The following STK24 variants were observed in gnomAD, a reference collection of about 807,000 sequenced individuals.
The protein encoded by STK24 is serine/threonine-protein kinase 24.
In STK24, 21 loss-of-function variants were observed where a neutral mutation model predicts 55.6. The observed-to-expected ratio is 0.38, with a 90% CI of 0.27 to 0.54. The LOEUF is 0.54. Ranked by LOEUF, STK24 falls within the 20% of genes least tolerant of loss-of-function variation. The pLI, the probability that STK24 is intolerant of heterozygous loss-of-function variation, is 0.79. For missense variants in STK24, 383 were observed against 538.4 expected, an observed-to-expected ratio of 0.71 and a Z score of 2.86; for synonymous variants, 200 against 215.2, an observed-to-expected ratio of 0.93 and a Z score of 0.62.
At chr13:98,461,054 A>AAGAGAG (rs71292876) in intron 8 of STK24, among the ~76,000 whole-genome samples, 16 of 143,750 alleles carry the variant, frequency 1.1e-4, no homozygotes, top group South Asian at 6.7e-4. Flanking sequence ...AAAAAAAAAA[A>AAGAGAG]AGAGAGAGAG....
At chr13:98,487,313 C>T (rs1435507734) in intron 2 of STK24, among the ~76,000 whole-genome samples, 4 of 152,108 alleles carry the variant, frequency 2.6e-5, no homozygotes, top group Admixed American at 2.6e-4. Context: ...TGACTTTAAT[C>T]GAAATAATTT....
chr13:98,537,230 C>G (rs1489578178), intron 1 of STK24, among the ~76,000 whole-genome samples: 1 of 152,230 alleles, frequency 6.6e-6, no homozygotes, highest in Non-Finnish European at 1.5e-5. Flanking sequence ...TCCCATCAGG[C>G]AGTCCTCCTG....
chr13:98,522,550 AC>A (rs1896301354), intron 1 of STK24, among the ~76,000 whole-genome samples: 1 of 152,048 alleles, frequency 6.6e-6, no homozygotes, highest in South Asian at 2.1e-4. Context: ...CTGAACAGGA[AC>A]CCCCCAGACC....
intron 1 of STK24, among the ~76,000 whole-genome samples, chr13:98,563,059 A>G (rs1356003576): frequency 6.6e-6 from 1 of 152,144 alleles, no homozygotes; most frequent in African/African-American, 2.4e-5. Flanking sequence ...CCAAGAAACG[A>G]TTTGCTCCAC....
chr13:98,519,426 A>G lies in STK24; in HGVS notation c.90T>C (p.Ile30=). The G allele has an allele frequency of 4.3e-6, 7 of 1,614,158 alleles. No individual in the cohort carries two copies. The highest frequency in any genetic ancestry group is 5.9e-6 in the Non-Finnish European group (7 of 1,180,044). ...PEELFTKLEK[I]GKGSFGEVFK... is the part of the protein sequence containing the mutation. ...ACACCTCTCCAAAGGAGCCCTTCCC[A>G]ATTTTCTCTAGTTTTGTAAAAAGCT... The change falls in exon 2 of 11, where the codon ATT becomes ATC. Residue 30 remains isoleucine (I), a synonymous_variant. Transcript: ENST00000539966.
chr13:98,554,126 G>T (rs1897228689), intron 1 of STK24, among the ~76,000 whole-genome samples: 1 of 151,050 alleles, frequency 6.6e-6, no homozygotes, highest in Admixed American at 6.6e-5. Context: ...ATGATGAATT[G>T]GTCCTGGTGC....
intron 1 of STK24, among the ~76,000 whole-genome samples, chr13:98,565,613 G>A (rs571331161): frequency 2.2e-4 from 31 of 142,762 alleles, no homozygotes; most frequent in East Asian, 2.1e-3. Context: ...GTCTGGGCAC[G>A]AGAATGAGAC....
At position 98,449,555 on chromosome 13, in the gene STK24, T is replaced by C. The variant is rs773110128; in HGVS notation, c.*3618A>G. ...CCATTCTTTCCAGCGCCCCGCACCA[T>C]AGCACCTGCCCACCTGAGAACCAGG... On this transcript the variant is annotated 3_prime_UTR_variant, in exon 11 of 11. Coordinates refer to ENST00000539966, the MANE Select transcript of STK24 (RefSeq NM_001032296.4). 8 of 152,660 alleles carry C rather than the reference T, an allele frequency of 5.2e-5. No homozygotes were observed. The East Asian group carries it at 5.8e-4, about 11-fold the overall frequency. 9.5% of individuals were successfully genotyped at this position (152,660 alleles called of 1,614,324 possible). A position where few individuals can be genotyped will look rare whatever the true frequency, so the allele number is the denominator to read the frequency against.
rs112445558 is a variant in STK24 at position 98,446,451 on chromosome 13, C to T, written c.*6722G>A. Reference sequence around the variant, plus strand: ...ACCTGTCTTCTGCCTGGACAAGGGACGGGGGTTGGCTTTATCTACAGCTCA... The same window carrying T: ...ACCTGTCTTCTGCCTGGACAAGGGATGGGGGTTGGCTTTATCTACAGCTCA... On this transcript the variant is annotated 3_prime_UTR_variant, in exon 11 of 11. Transcript: ENST00000539966. The T allele has an allele frequency of 8.9e-5, 54 of 607,928 alleles. No homozygotes were observed. The highest frequency in any genetic ancestry group is 3.7e-4 in the African/African-American group (20 of 54,058). 37.7% of individuals were successfully genotyped at this position (607,928 alleles called of 1,614,324 possible). A position where few individuals can be genotyped will look rare whatever the true frequency, so the allele number is the denominator to read the frequency against.
intron 1 of STK24, among the ~76,000 whole-genome samples, chr13:98,574,077 T>C (rs1191257683): frequency 6.6e-6 from 1 of 152,102 alleles, no homozygotes; most frequent in African/African-American, 2.4e-5. Flanking sequence ...AACGGCACAA[T>C]CTCAGCTCAA....
At position 98,448,591 on chromosome 13, in the gene STK24, C is replaced by A; in HGVS notation, c.*4582G>T. ...TTGTCATTACGAGAGTGCCAAATGA[C>A]ATCTTCCCTCCACCCTGCCCCTGAA... is the stretch of plus-strand genomic sequence containing the variant. On this transcript the variant is annotated 3_prime_UTR_variant, in exon 11 of 11. Transcript: ENST00000539966. 1 of 405,778 alleles carries A rather than the reference C, an allele frequency of 2.5e-6. No homozygotes were observed. Among genetic ancestry groups the A allele is most frequent in the Non-Finnish European group, 4.5e-6 (1 of 224,182 alleles). The allele number at this position is 405,778 out of a possible 1,614,324, so 25.1% of individuals were successfully genotyped here.
intron 2 of STK24, among the ~76,000 whole-genome samples, chr13:98,497,686 A>C (rs1365597755): frequency 6.6e-6 from 1 of 152,202 alleles, no homozygotes; most frequent in Non-Finnish European, 1.5e-5. Flanking sequence ...GACCACCCAC[A>C]CCCTGGCTCT....
At chr13:98,571,682 T>G (rs1897743564) in intron 1 of STK24, among the ~76,000 whole-genome samples, 1 of 152,148 alleles carries the variant, frequency 6.6e-6, no homozygotes, top group African/African-American at 2.4e-5. Context: ...AACAAAACAG[T>G]AACTAACAGT....
intron 1 of STK24, among the ~76,000 whole-genome samples, chr13:98,558,166 C>G (rs1204625562): frequency 6.6e-6 from 1 of 152,202 alleles, no homozygotes. Flanking sequence ...CTGCACCAGA[C>G]GTATGACAGA....
rs1267138184 is a variant in STK24 at position 98,463,790 on chromosome 13, T to C, written c.830A>G (p.Asn277Ser). ...ELLKHKFILR[N>S]AKKTSYLTEL... ...GGTCAAGTAGGAAGTTTTCTTTGCA[T>C]TGCGTAGTATAAACTTGTGCTTCAA... is the stretch of plus-strand genomic sequence containing the variant. Residue 277 changes from asparagine to serine, a missense_variant, in exon 7 of 11, where the codon AAT becomes AGT. Physicochemically the swap from Asn to Ser is conservative, Grantham distance 46 (BLOSUM62 1). Transcript: ENST00000539966. 3 of 1,614,086 alleles carry C rather than the reference T, an allele frequency of 1.9e-6. No homozygotes were observed. The highest frequency in any genetic ancestry group is 1.7e-5 in the Admixed American group (1 of 60,004).
At position 98,449,886 on chromosome 13, in the gene STK24, A is replaced by C. The variant is rs1484768608; in HGVS notation, c.*3287T>G. The C allele has an allele frequency of 2.0e-5, 3 of 152,258 alleles. No homozygotes were observed. The highest frequency in any genetic ancestry group is 4.4e-5 in the Non-Finnish European group (3 of 68,082). 9.4% of individuals were successfully genotyped at this position (152,258 alleles called of 1,614,324 possible). A position where few individuals can be genotyped will look rare whatever the true frequency, so the allele number is the denominator to read the frequency against. The stretch of plus-strand genomic sequence containing the variant: ...GTGACACAGGGAGGGCCTGCCCCCC[A>C]CTGTTCCCTATGCTCCCCCCACCTC... On this transcript the variant is annotated 3_prime_UTR_variant, in exon 11 of 11. Coordinates refer to ENST00000539966, the MANE Select transcript of STK24 (RefSeq NM_001032296.4).
intron 1 of STK24, among the ~76,000 whole-genome samples, chr13:98,557,960 C>G (rs1897319222): frequency 6.6e-6 from 1 of 152,200 alleles, no homozygotes; most frequent in South Asian, 2.1e-4. Flanking sequence ...CAGAGCTCAG[C>G]CATTGTTTCC....
chr13:98,469,937 A>G (rs1202292355), intron 5 of STK24, among the ~76,000 whole-genome samples: 2 of 152,240 alleles, frequency 1.3e-5, no homozygotes, highest in Non-Finnish European at 2.9e-5. Context: ...AGGCATCTCT[A>G]CTACATTTTA....
intron 1 of STK24, among the ~76,000 whole-genome samples, chr13:98,529,281 C>T (rs1306367955): frequency 6.6e-6 from 1 of 152,144 alleles, no homozygotes; most frequent in African/African-American, 2.4e-5. Context: ...ATGCAAACCG[C>T]GTCATGGTTC....
Sources: allele counts gnomAD v4.1 joint callset (sites outside exome capture counted in the v4.1 genomes callset), GRCh38; gene constraint gnomAD v4.1.1; transcripts MANE v1.5; gene names NCBI Gene and HGNC (gene_info 2026-07-23, HGNC 2026-07-21).